Variants in PCDHA6 observed in about 807,000 individuals in gnomAD.
PCDHA6 encodes the protein protocadherin alpha-6.
A neutral mutation model predicts 60.3 loss-of-function variants in PCDHA6; 55 were observed. That is an observed-to-expected ratio of 0.91 (90% CI 0.73 to 1.14). PCDHA6 has a LOEUF of 1.14. Ranked by LOEUF, PCDHA6 falls within the 50% of genes most tolerant of loss-of-function variation. PCDHA6 has a pLI of 0.00. For missense variants in PCDHA6, 1,327 were observed against 1,256.5 expected, an observed-to-expected ratio of 1.06 and a Z score of -0.85; for synonymous variants, 652 against 557.9, an observed-to-expected ratio of 1.17 and a Z score of -2.38.
intron 1 of PCDHA6, chr5:140,868,276 C>T (rs2050375719): frequency 6.6e-6 from 1 of 151,768 alleles, no homozygotes; most frequent in African/African-American, 2.4e-5. Flanking sequence ...TTTAAAACTA[C>T]CAAGTTTGAG....
At chr5:140,941,244 T>TTTCG (rs2092953100) in intron 1 of PCDHA6, among the ~76,000 whole-genome samples, 1 of 141,602 alleles carries the variant, frequency 7.1e-6, no homozygotes, top group South Asian at 2.3e-4. Context: ...TCTTTCTTTC[T>TTTCG]TTCTTTCTTT....
At chr5:140,915,781 A>C (rs2153536351) in intron 1 of PCDHA6, among the ~76,000 whole-genome samples, 1 of 152,104 alleles carries the variant, frequency 6.6e-6, no homozygotes, top group South Asian at 2.1e-4. Flanking sequence ...GGCCTGCTGT[A>C]ACCACTACCT....
chr5:140,871,017 G>C, intron 1 of PCDHA6: 2 of 1,613,298 alleles, frequency 1.2e-6, no homozygotes, highest in Non-Finnish European at 8.5e-7. Flanking sequence ...CCCTGGACGA[G>C]GCAGACTCGC....
chr5:140,988,528 T>C (rs1391489747), intron 3 of PCDHA6, among the ~76,000 whole-genome samples: 1 of 152,194 alleles, frequency 6.6e-6, no homozygotes, highest in African/African-American at 2.4e-5. Flanking sequence ...CTCTGCTGGC[T>C]CCATCCATTC....
chr5:140,848,422 G>A lies in PCDHA6; in HGVS notation c.2394+17937G>A, dbSNP rs143939535. 1,502 of 1,425,074 alleles carry A rather than the reference G, an allele frequency of 1.1e-3. 85 individuals are homozygous for A. The African/African-American group carries it at 0.018, about 17-fold the overall frequency. 88.3% of individuals were successfully genotyped at this position (1,425,074 alleles called of 1,614,324 possible). ...AACGATGGCGAACACAGCAGAATGG[G>A]ACTGACGAAATCAGATGATTTCTTC... On this transcript the variant is annotated intron_variant, in intron 1 of 3. Transcript: ENST00000529310.
At chr5:140,968,835 A>C in intron 1 of PCDHA6, 2 of 1,614,194 alleles carry the variant, frequency 1.2e-6, no homozygotes, top group Non-Finnish European at 1.7e-6. Flanking sequence ...ATCCTCCCTG[A>C]CACTCAGAGG....
chr5:140,857,737 G>C (rs782448076), intron 1 of PCDHA6: 4 of 1,597,412 alleles, frequency 2.5e-6, no homozygotes, highest in Middle Eastern at 1.8e-4. Context: ...ACGCTCCCGC[G>C]CTGCTGGCGT....
intron 1 of PCDHA6, among the ~76,000 whole-genome samples, chr5:140,892,561 A>G (rs766284976): frequency 1.3e-5 from 2 of 152,156 alleles, no homozygotes; most frequent in Non-Finnish European, 2.9e-5. Context: ...GTCCTTGGAG[A>G]CTGTCAAAAG....
chr5:140,949,263 C>T (rs1210516513), intron 1 of PCDHA6, among the ~76,000 whole-genome samples: 3 of 151,832 alleles, frequency 2.0e-5, no homozygotes, highest in South Asian at 4.1e-4. Flanking sequence ...GAACATATCA[C>T]GTGCACTTGA....
At chr5:140,924,681 G>T (rs558083953) in intron 1 of PCDHA6, among the ~76,000 whole-genome samples, 1 of 152,180 alleles carries the variant, frequency 6.6e-6, no homozygotes, top group East Asian at 1.9e-4. Flanking sequence ...AATCACTTGA[G>T]GTCAGGAGTT....
chr5:140,926,680 A>C (rs2153583997), intron 1 of PCDHA6: 1 of 637,102 alleles, frequency 1.6e-6, no homozygotes, highest in Non-Finnish European at 2.4e-6. Flanking sequence ...CCCAGCCTCC[A>C]GCCTAGCAAG....
At chr5:140,995,155 A>T (rs2097666869) in intron 3 of PCDHA6, among the ~76,000 whole-genome samples, 2 of 152,194 alleles carry the variant, frequency 1.3e-5, no homozygotes, top group Non-Finnish European at 2.9e-5. Flanking sequence ...CTTTATATAC[A>T]TTATGTTCTT....
At chr5:140,966,350 A>C in intron 1 of PCDHA6, 1 of 397,418 alleles carries the variant, frequency 2.5e-6, no homozygotes, top group Non-Finnish European at 4.4e-6. Flanking sequence ...GGTGAAGGAG[A>C]TGGGGCTGGA....
intron 1 of PCDHA6, among the ~76,000 whole-genome samples, chr5:140,950,723 A>G (rs1478275346): frequency 1.3e-5 from 2 of 151,984 alleles, no homozygotes; most frequent in African/African-American, 4.8e-5. Flanking sequence ...ATATCCTTAA[A>G]TTTTTTAATC....
chr5:140,875,637 G>T, intron 1 of PCDHA6: 1 of 1,613,638 alleles, frequency 6.2e-7, no homozygotes, highest in Non-Finnish European at 8.5e-7. Flanking sequence ...TGGGGCTGGA[G>T]CTGGCGGAGC....
At chr5:140,853,696 TAACGC>T (rs1477764717) in intron 1 of PCDHA6, 1 of 988,156 alleles carries the variant, frequency 1.0e-6, no homozygotes, top group African/African-American at 1.8e-5. Flanking sequence ...TTAGACCTGC[TAACGC>T]ATTAGCATTA....
intron 1 of PCDHA6, among the ~76,000 whole-genome samples, chr5:140,964,891 G>A (rs76642459): frequency 0.016 from 2,494 of 152,302 alleles, 68 homozygotes; most frequent in African/African-American, 0.056. Context: ...AGTGATAGGA[G>A]GCTGGGCGCT....
At chr5:140,984,398 A>T (rs1377930175) in intron 3 of PCDHA6, among the ~76,000 whole-genome samples, 1 of 152,142 alleles carries the variant, frequency 6.6e-6, no homozygotes, top group Non-Finnish European at 1.5e-5. Flanking sequence ...AAATGTTGAG[A>T]ACCTATCTTT....
Position 140,986,801 on chromosome 5 carries a change from T to C in PCDHA6, c.2542+4238T>C, listed in dbSNP as rs1381514203. ...CGGAAGCCACTAAGGCAGTGAGTCT[T>C]AGTTAGAGAACTTTGGTTTAGACAA... On this transcript the variant is annotated intron_variant, in intron 3 of 3. Coordinates refer to ENST00000529310, the MANE Select transcript of PCDHA6 (RefSeq NM_018909.4). 2.0e-5 allele frequency among the ~76,000 whole-genome samples: 3 copies of C among 152,144 alleles called. No homozygotes were observed. The East Asian group carries it at 5.8e-4, about 29-fold the overall frequency.
Sources: gnomAD v4.1 joint callset for allele counts (sites outside exome capture counted in the v4.1 genomes callset) on GRCh38, gnomAD v4.1.1 for gene constraint, MANE v1.5 for transcripts, NCBI Gene and HGNC (gene_info 2026-07-23, HGNC 2026-07-21) for gene names.